Variants in MAGI2 observed in about 807,000 individuals in gnomAD.
MAGI2 encodes the protein membrane-associated guanylate kinase, WW and PDZ domain-containing protein 2.
In MAGI2, 35 loss-of-function variants were observed where a neutral mutation model predicts 133.3. The observed-to-expected ratio is 0.26, with a 90% CI of 0.20 to 0.35. The LOEUF is 0.35. Among genes scored for constraint, MAGI2 ranks in the 10% least tolerant of loss-of-function variants. The pLI is 1.00. For synonymous variants in MAGI2, 729 were observed against 710.6 expected (o/e 1.03, Z -0.41); for missense variants, 1,636 against 1,863.4 (o/e 0.88, Z 2.25).
chr7:78,501,648 A>G lies in MAGI2; in HGVS notation c.894T>C (p.Asn298=). ...DDTKPTKPED[N]EEPDPLPDNW... The stretch of plus-strand genomic sequence containing the variant: ...TATCAGGCAATGGGTCTGGTTCCTC[A>G]TTGTCTTCAGGTTTAGTTGGCTTTG... Residue 298 remains asparagine, a synonymous_variant, in exon 5 of 22, where the codon AAT becomes AAC. Transcript: ENST00000354212. 1 of 1,614,080 alleles carries G rather than the reference A, an allele frequency of 6.2e-7. No individual in the cohort carries two copies. Among genetic ancestry groups the G allele is most frequent in the Non-Finnish European group, 8.5e-7 (1 of 1,180,020 alleles).
At chr7:78,636,562 G>A (rs535001088) in intron 2 of MAGI2, among the ~76,000 whole-genome samples, 3 of 152,218 alleles carry the variant, frequency 2.0e-5, no homozygotes, top group African/African-American at 7.2e-5. Context: ...ACTTTGGGAG[G>A]CCGAGGTGGG....
At chr7:79,323,901 C>T (rs1839393327) in intron 1 of MAGI2, among the ~76,000 whole-genome samples, 1 of 152,062 alleles carries the variant, frequency 6.6e-6, no homozygotes, top group Non-Finnish European at 1.5e-5. Flanking sequence ...GTGAAGAGGC[C>T]TCTGCTTAAC....
At chr7:79,027,550 A>G (rs146390248) in intron 1 of MAGI2, among the ~76,000 whole-genome samples, 203 of 152,144 alleles carry the variant, frequency 1.3e-3, no homozygotes, top group African/African-American at 4.8e-3. Context: ...GAATGAAAAG[A>G]TGATGGTCAA....
intron 10 of MAGI2, among the ~76,000 whole-genome samples, chr7:78,240,595 T>C (rs1260565983): frequency 6.6e-6 from 1 of 152,148 alleles, no homozygotes; most frequent in African/African-American, 2.4e-5. Flanking sequence ...GTTGATTTCA[T>C]AGAAGTAGAA....
At chr7:79,354,792 C>T (rs901172987) in intron 1 of MAGI2, among the ~76,000 whole-genome samples, 4 of 152,144 alleles carry the variant, frequency 2.6e-5, no homozygotes, top group Admixed American at 1.3e-4. Context: ...TACAGAAAAT[C>T]AGGGTGCCTT....
intron 1 of MAGI2, among the ~76,000 whole-genome samples, chr7:79,307,311 T>G (rs1198468745): frequency 6.6e-6 from 1 of 152,198 alleles, no homozygotes; most frequent in Non-Finnish European, 1.5e-5. Context: ...AGATATACTC[T>G]AAGAAGAGTC....
intron 1 of MAGI2, among the ~76,000 whole-genome samples, chr7:79,273,029 G>A (rs543291770): frequency 2.0e-5 from 3 of 151,970 alleles, no homozygotes; most frequent in African/African-American, 7.2e-5. Context: ...GGAGGTTTTT[G>A]TGGTTAAATA....
chr7:78,679,172 C>T (rs1223901530), intron 2 of MAGI2, among the ~76,000 whole-genome samples: 1 of 152,144 alleles, frequency 6.6e-6, no homozygotes, highest in African/African-American at 2.4e-5. Context: ...CCTTTGTGCA[C>T]CCTTTCCTTT....
At chr7:79,288,339 TAAG>T (rs1401106707) in intron 1 of MAGI2, among the ~76,000 whole-genome samples, 1 of 152,186 alleles carries the variant, frequency 6.6e-6, no homozygotes, top group Non-Finnish European at 1.5e-5. Context: ...GCCTGGTATA[TAAG>T]AAGGTCTAGG....
At chr7:78,891,471 C>A (rs4534082) in intron 2 of MAGI2, among the ~76,000 whole-genome samples, 78,580 of 151,922 alleles carry the variant, frequency 0.52, 21,941 homozygotes, top group South Asian at 0.68. Context: ...TCGATGCAAA[C>A]ATCCTCAATA....
intron 9 of MAGI2, among the ~76,000 whole-genome samples, chr7:78,295,607 G>T (rs575966768): frequency 1.1e-3 from 165 of 152,134 alleles, no homozygotes; most frequent in Non-Finnish European, 1.6e-3. Flanking sequence ...TGACTGTTCA[G>T]TGTGAGCAAC....
In MAGI2 at chr7:79,324,292, G is replaced by A. The variant is rs139631576; in HGVS notation, c.301+128728C>T. ...TAGCACTATGTAAGGTCTGTGCCTA[G>A]CATGTATTAAATATTCAATAAAACT... On this transcript the variant is annotated intron_variant, in intron 1 of 21. Transcript: ENST00000354212. Among the ~76,000 whole-genome samples, 265 of 150,798 alleles carry A rather than the reference G, an allele frequency of 1.8e-3. 10 individuals are homozygous for A. In the East Asian group the frequency reaches 0.039, roughly 22 times the overall value.
In MAGI2 at chr7:79,078,966, T is replaced by C. The variant is rs140297333; in HGVS notation, c.302-71760A>G. The stretch of plus-strand genomic sequence containing the variant: ...AAATAATTAAAATACTTCCATTCTT[T>C]ACTCAATCTTTCATAGATAAATACA... On this transcript the variant is annotated intron_variant, in intron 1 of 21. Coordinates refer to ENST00000354212, the MANE Select transcript of MAGI2 (RefSeq NM_012301.4). Among the ~76,000 whole-genome samples the C allele has an allele frequency of 1.2e-4, 19 of 152,280 alleles. No individual in the cohort carries two copies. The East Asian group carries it at 2.9e-3, about 23-fold the overall frequency.
At chr7:79,265,714 T>C (rs1462055268) in intron 1 of MAGI2, among the ~76,000 whole-genome samples, 5 of 152,088 alleles carry the variant, frequency 3.3e-5, no homozygotes, top group Admixed American at 1.3e-4. Context: ...GAAGTTCTCA[T>C]GGTGGGGTGC....
At chr7:78,240,949 C>T (rs1475809922) in intron 10 of MAGI2, among the ~76,000 whole-genome samples, 1 of 151,960 alleles carries the variant, frequency 6.6e-6, no homozygotes, top group Non-Finnish European at 1.5e-5. Context: ...GAACTGTCTT[C>T]CTTGCCCATC....
intron 1 of MAGI2, among the ~76,000 whole-genome samples, chr7:79,287,650 A>G (rs911472733): frequency 1.3e-5 from 2 of 152,296 alleles, no homozygotes; most frequent in East Asian, 3.9e-4. Flanking sequence ...GGAGAGGATA[A>G]TACCTGCTTT....
intron 3 of MAGI2, among the ~76,000 whole-genome samples, chr7:78,607,519 G>C (rs1805957269): frequency 6.7e-6 from 1 of 150,288 alleles, no homozygotes; most frequent in South Asian, 2.1e-4. Context: ...AAAAAAGAGA[G>C]TCTCTGTAAA....
At chr7:78,439,262 T>G (rs990096758) in intron 6 of MAGI2, among the ~76,000 whole-genome samples, 1 of 152,216 alleles carries the variant, frequency 6.6e-6, no homozygotes, top group African/African-American at 2.4e-5. Flanking sequence ...AATCATTTAT[T>G]GAGCACTCAG....
In MAGI2 at chr7:78,262,624, C is replaced by T. The variant is rs138233369; in HGVS notation, c.1409-6043G>A. On this transcript the variant is annotated intron_variant, in intron 9 of 21. Coordinates refer to ENST00000354212, the MANE Select transcript of MAGI2 (RefSeq NM_012301.4). ...CAGGTATGCCAATAACTAGTGGTAT[C>T]AACACTTCCTAGGTCTTATTCCTCA... is the stretch of plus-strand genomic sequence containing the variant. Among the ~76,000 whole-genome samples the T allele has an allele frequency of 8.9e-3, 1,351 of 152,194 alleles. 14 individuals carry two copies. Among genetic ancestry groups the T allele is most frequent in the African/African-American group, 0.03 (1,256 of 41,516 alleles).
Sources: gnomAD v4.1 joint callset for allele counts (sites outside exome capture counted in the v4.1 genomes callset) on GRCh38, gnomAD v4.1.1 for gene constraint, MANE v1.5 for transcripts, NCBI Gene and HGNC (gene_info 2026-07-23, HGNC 2026-07-21) for gene names.